RFX4: variants seen among roughly 807,000 people sequenced by gnomAD.
RFX4 encodes the protein regulatory factor X4, also known as transcription factor RFX4.
In RFX4, 10 loss-of-function variants were observed where a neutral mutation model predicts 95.0. The observed-to-expected ratio is 0.11, with a 90% CI of 0.06 to 0.18. The LOEUF is 0.18. Among genes scored for constraint, RFX4 ranks in the 10% least tolerant of loss-of-function variants. RFX4 has a pLI of 1.00. For missense variants in RFX4, 640 were observed against 922.0 expected, an observed-to-expected ratio of 0.69 and a Z score of 3.96; for synonymous variants, 321 against 340.7, an observed-to-expected ratio of 0.94 and a Z score of 0.64.
At chr12:106,608,995 C>A (rs1014307654) in intron 2 of RFX4, 112 bp downstream of exon 2, 1 of 827,618 alleles carries the variant, frequency 1.2e-6, no homozygotes, top group Non-Finnish European at 2.0e-6. Flanking sequence ...GAACAAGACA[C>A]TCTCTAGCTA....
chr12:106,698,970 C>CT (rs1173758843), intron 8 of RFX4, among the ~76,000 whole-genome samples: 1 of 151,876 alleles, frequency 6.6e-6, no homozygotes, highest in Non-Finnish European at 1.5e-5. Context: ...TTTTGCTCTT[C>CT]TTTTTTTAGT....
Position 106,708,547 on chromosome 12 carries a change from G to A in RFX4, c.834-783G>A, listed in dbSNP as rs150093380. On this transcript the variant is annotated intron_variant, in intron 8 of 17. Coordinates refer to ENST00000392842, the MANE Select transcript of RFX4 (RefSeq NM_213594.3). ...TCTGACAGGAGACAGTGGGTGAAAGGCTGAACCAGGGCAGGCTAGGTGGTG... is the reference window on the plus strand; with the variant it reads ...TCTGACAGGAGACAGTGGGTGAAAGACTGAACCAGGGCAGGCTAGGTGGTG... 6.0e-3 allele frequency among the ~76,000 whole-genome samples: 908 copies of A among 152,254 alleles called. 9 individuals carry two copies. Among genetic ancestry groups the A allele is most frequent in the African/African-American group, 0.021 (853 of 41,554 alleles).
At chr12:106,667,469 G>A (rs2041199869) in intron 4 of RFX4, among the ~76,000 whole-genome samples, 1 of 152,176 alleles carries the variant, frequency 6.6e-6, no homozygotes, top group South Asian at 2.1e-4. Flanking sequence ...TTTACTGTGG[G>A]AACCTGGTCA....
rs79661096 is a variant in RFX4, at chr12:106,689,269, C to T, written c.592-18C>T. 3 of 1,593,788 alleles carry T rather than the reference C, an allele frequency of 1.9e-6. No homozygotes were observed. The African/African-American group carries it at 4.0e-5, about 21-fold the overall frequency. ...TTAATGTATGTCTTTGTTGTTGATC[C>T]TCTACACACCCCCACAGGTTTCTAC... On this transcript the variant is annotated intron_variant, in intron 6 of 17. Transcript: ENST00000392842.
chr12:106,628,718 T>C (rs1398261810), intron 2 of RFX4, among the ~76,000 whole-genome samples: 1 of 152,026 alleles, frequency 6.6e-6, no homozygotes, highest in Non-Finnish European at 1.5e-5. Flanking sequence ...TTACACGTTC[T>C]TCGAGTATTT....
intron 2 of RFX4, among the ~76,000 whole-genome samples, chr12:106,616,464 A>G (rs1233075175): frequency 1.3e-5 from 2 of 152,136 alleles, no homozygotes; most frequent in Admixed American, 1.3e-4. Context: ...TTTGGTGTCA[A>G]GATTACAGAG....
intron 1 of RFX4, among the ~76,000 whole-genome samples, chr12:106,605,571 G>T (rs921457855): frequency 2.6e-5 from 4 of 152,178 alleles, no homozygotes; most frequent in African/African-American, 9.7e-5. Flanking sequence ...TTCTTTCACT[G>T]CTCAGACCAT....
At chr12:106,589,043 C>T (rs940613735) in intron 1 of RFX4, among the ~76,000 whole-genome samples, 2 of 152,132 alleles carry the variant, frequency 1.3e-5, no homozygotes, top group Admixed American at 6.5e-5. Flanking sequence ...ACTTGGGAAA[C>T]TCTTCAGCTG....
chr12:106,626,655 C>T (rs534718890), intron 2 of RFX4, among the ~76,000 whole-genome samples: 1 of 152,202 alleles, frequency 6.6e-6, no homozygotes, highest in South Asian at 2.1e-4. Context: ...AGGGCTGCTA[C>T]CTACTCCAAG....
intron 1 of RFX4, among the ~76,000 whole-genome samples, chr12:106,599,807 C>G (rs2039673780): frequency 6.6e-6 from 1 of 151,990 alleles, no homozygotes; most frequent in Non-Finnish European, 1.5e-5. Context: ...CTCGGTTTGC[C>G]TGGCTCAATC....
At chr12:106,754,549 C>T (rs1489039930) in intron 17 of RFX4, among the ~76,000 whole-genome samples, 1 of 152,138 alleles carries the variant, frequency 6.6e-6, no homozygotes, top group African/African-American at 2.4e-5. Flanking sequence ...CTTCCTCATT[C>T]CCCCTCATGA....
At chr12:106,758,544 CA>C (rs1209886259) in intron 17 of RFX4, among the ~76,000 whole-genome samples, 1 of 152,134 alleles carries the variant, frequency 6.6e-6, no homozygotes, top group Non-Finnish European at 1.5e-5. Flanking sequence ...GAAAAGAGCC[CA>C]AGTCCATTCT....
chr12:106,628,697 A>G (rs2040354199), intron 2 of RFX4, among the ~76,000 whole-genome samples: 1 of 151,606 alleles, frequency 6.6e-6, no homozygotes, highest in Non-Finnish European at 1.5e-5. Flanking sequence ...TAGTATTAAC[A>G]CTTTTGTTAC....
intron 10 of RFX4, among the ~76,000 whole-genome samples, chr12:106,713,005 C>T (rs925289881): frequency 6.6e-6 from 1 of 152,120 alleles, no homozygotes; most frequent in Non-Finnish European, 1.5e-5. Context: ...AGCGTAGGGG[C>T]GCACACACAC....
At chr12:106,686,198 G>A (rs1265673749) in intron 5 of RFX4, among the ~76,000 whole-genome samples, 1 of 152,102 alleles carries the variant, frequency 6.6e-6, no homozygotes, top group African/African-American at 2.4e-5. Flanking sequence ...AGATCATGAG[G>A]TCAGGAGTTT....
In RFX4 at chr12:106,739,108, G is replaced by A. The variant is rs79692809; in HGVS notation, c.1633+6023G>A. ...TAATAAAAACAGAAAAATCAATTTC[G>A]TAAAAAGGACCAAAACCAGAAAGAA... On this transcript the variant is annotated intron_variant, in intron 15 of 17. Transcript: ENST00000392842. Among the ~76,000 whole-genome samples the A allele has an allele frequency of 9.5e-3, 1,116 of 117,342 alleles. 14 individuals are homozygous for A. Among genetic ancestry groups the A allele is most frequent in the African/African-American group, 0.03 (1,067 of 35,800 alleles). 77.0% of individuals were successfully genotyped at this position (117,342 alleles called of 152,430 possible).
intron 4 of RFX4, among the ~76,000 whole-genome samples, chr12:106,667,526 T>C (rs565917685): frequency 3.3e-5 from 5 of 152,308 alleles, no homozygotes; most frequent in African/African-American, 4.8e-5. Context: ...TCCCCTATGA[T>C]TGGGTCTCCC....
intron 17 of RFX4, among the ~76,000 whole-genome samples, chr12:106,753,356 G>A (rs149118791): frequency 5.3e-5 from 8 of 152,244 alleles, no homozygotes; most frequent in African/African-American, 1.2e-4. Flanking sequence ...TCATATTGCC[G>A]TCTTTGTGGC....
chr12:106,608,223 C>G (rs2039879130), intron 1 of RFX4, among the ~76,000 whole-genome samples: 1 of 152,082 alleles, frequency 6.6e-6, no homozygotes, highest in Non-Finnish European at 1.5e-5. Flanking sequence ...ACATAGCTAC[C>G]ATAGTGCTTT....
Sources: allele counts gnomAD v4.1 joint callset (sites outside exome capture counted in the v4.1 genomes callset), GRCh38; gene constraint gnomAD v4.1.1; transcripts MANE v1.5; gene names NCBI Gene and HGNC (gene_info 2026-07-23, HGNC 2026-07-21).